The following EMP1 variants were observed in gnomAD, a reference collection of about 807,000 sequenced individuals.
EMP1 encodes epithelial membrane protein 1, also known as tumor-associated membrane protein.
A neutral mutation model predicts 15.7 loss-of-function variants in EMP1; 5 were observed. That is an observed-to-expected ratio of 0.32 (90% CI 0.17 to 0.67). EMP1 has a LOEUF of 0.67. Ranked by LOEUF, EMP1 falls within the 30% of genes least tolerant of loss-of-function variation. EMP1 has a pLI of 0.74. For synonymous variants in EMP1, 78 were observed against 76.7 expected, an observed-to-expected ratio of 1.02 and a Z score of -0.09; for missense variants, 166 against 194.2, an observed-to-expected ratio of 0.85 and a Z score of 0.86.
chr12:13,215,032 T>G lies in EMP1; in HGVS notation c.*341T>G, dbSNP rs1864201935. The G allele has an allele frequency of 1.4e-5, 4 of 290,960 alleles. No homozygotes were observed. In the Admixed American group the frequency reaches 1.8e-4, roughly 13 times the overall value. The allele number at this position is 290,960 out of a possible 1,614,324, so 18.0% of individuals were successfully genotyped here. A position where few individuals can be genotyped will look rare whatever the true frequency, so the allele number is the denominator to read the frequency against. On this transcript the variant is annotated 3_prime_UTR_variant, in exon 5 of 5. Transcript: ENST00000256951. Reference sequence around the variant, plus strand: ...CCAGCCCCACTTCTGGGTCATGCACTGAGGTCCACAGACCTACTGCACTGA... The same window carrying G: ...CCAGCCCCACTTCTGGGTCATGCACGGAGGTCCACAGACCTACTGCACTGA...
chr12:13,209,369 A>G (rs1434296130), intron 1 of EMP1: 2 of 152,064 alleles, frequency 1.3e-5, no homozygotes, highest in African/African-American at 4.8e-5. Context: ...CTCCCCCCTT[A>G]AGGGGCAAGG....
At chr12:13,210,045 C>A (rs1864150752) in intron 1 of EMP1, among the ~76,000 whole-genome samples, 1 of 152,138 alleles carries the variant, frequency 6.6e-6, no homozygotes, top group Non-Finnish European at 1.5e-5. Context: ...TCCTTGCTTG[C>A]AGAGAGCAAG....
intron 1 of EMP1, among the ~76,000 whole-genome samples, chr12:13,203,937 C>G (rs774321793): frequency 6.6e-6 from 1 of 152,198 alleles, no homozygotes; most frequent in South Asian, 2.1e-4. Context: ...TGGCTCCTCA[C>G]CCCTGACTAT....
intron 1 of EMP1, among the ~76,000 whole-genome samples, chr12:13,201,131 A>G (rs538715135): frequency 2.0e-5 from 3 of 152,226 alleles, no homozygotes; most frequent in Non-Finnish European, 4.4e-5. Flanking sequence ...CTGAGATTCT[A>G]AGATTCACCC....
intron 1 of EMP1, among the ~76,000 whole-genome samples, chr12:13,200,319 C>CATTGTCA (rs1864053585): frequency 6.6e-6 from 1 of 152,188 alleles, no homozygotes; most frequent in South Asian, 2.1e-4. Flanking sequence ...CACACCTATA[C>CATTGTCA]ATTGTCACCA....
At chr12:13,200,144 A>G (rs561495191) in intron 1 of EMP1, among the ~76,000 whole-genome samples, 2 of 152,264 alleles carry the variant, frequency 1.3e-5, no homozygotes, top group African/African-American at 4.8e-5. Flanking sequence ...TGCCTAACAC[A>G]AAAGCTCAGG....
chr12:13,219,110 A>G lies in EMP1; in HGVS notation c.*4419A>G, dbSNP rs1198453662. 6.6e-6 allele frequency: 1 copy of G among 152,220 alleles called. No individual in the cohort carries two copies. Among genetic ancestry groups the G allele is most frequent in the African/African-American group, 2.4e-5 (1 of 41,440 alleles). The allele number at this position is 152,220 out of a possible 1,614,324, so 9.4% of individuals were successfully genotyped here. On this transcript the variant is annotated 3_prime_UTR_variant, in exon 5 of 5. Transcript: ENST00000256951. ...ATCTGGGGAACTGGAGGTGAGAAGCATTATAATAGCCTCTCTGCCTTTATC... is the reference window on the plus strand; with the variant it reads ...ATCTGGGGAACTGGAGGTGAGAAGCGTTATAATAGCCTCTCTGCCTTTATC...
chr12:13,208,867 C>A (rs1264814402), intron 1 of EMP1, among the ~76,000 whole-genome samples: 1 of 152,168 alleles, frequency 6.6e-6, no homozygotes, highest in Non-Finnish European at 1.5e-5. Flanking sequence ...CACTCGCACA[C>A]ACCACCAGGG....
intron 4 of EMP1, 168 bp downstream of exon 4, chr12:13,213,989 T>A: frequency 9.9e-7 from 1 of 1,015,024 alleles, no homozygotes; most frequent in Non-Finnish European, 1.5e-6. Flanking sequence ...CTGCTTAGGT[T>A]AAGAACCCTC....
At chr12:13,197,568 G>A (rs1171344943) in intron 1 of EMP1, among the ~76,000 whole-genome samples, 1 of 152,110 alleles carries the variant, frequency 6.6e-6, no homozygotes, top group East Asian at 1.9e-4. Flanking sequence ...CTGAGGTCAG[G>A]AGTTCAAGAC....
chr12:13,214,922 G>A lies in EMP1; in HGVS notation c.*231G>A. On this transcript the variant is annotated 3_prime_UTR_variant, in exon 5 of 5. Transcript: ENST00000256951. Reference sequence around the variant, plus strand: ...TTTGATGCTCCCTTGATGGGGTCCAGAGAGCCTCCCTGCAGCCACCAGACT... The same window carrying A: ...TTTGATGCTCCCTTGATGGGGTCCAAAGAGCCTCCCTGCAGCCACCAGACT... 1 of 462,616 alleles carries A rather than the reference G, an allele frequency of 2.2e-6. No individual in the cohort carries two copies. Among genetic ancestry groups the A allele is most frequent in the Admixed American group, 3.4e-5 (1 of 29,188 alleles). 28.7% of individuals were successfully genotyped at this position (462,616 alleles called of 1,614,324 possible).
intron 1 of EMP1, among the ~76,000 whole-genome samples, chr12:13,203,097 CCTCCCCTCCCAGCT>C (rs2121147215): frequency 6.6e-6 from 1 of 152,288 alleles, no homozygotes; most frequent in Non-Finnish European, 1.5e-5. Context: ...AGGCGAGGGG[CCTCCCCTCCCAGCT>C]TGCCGCCTTC....
chr12:13,203,549 T>C (rs1290616560), intron 1 of EMP1, among the ~76,000 whole-genome samples: 1 of 152,282 alleles, frequency 6.6e-6, no homozygotes, highest in East Asian at 1.9e-4. Context: ...AGCATAATTG[T>C]TGGCCCTCAG....
In EMP1 at chr12:13,211,632, C is replaced by A. The variant is rs373481556; in HGVS notation, c.78+44C>A. ...TTCATTCATTCATTGAGAAATCATT[C>A]GAATATTTACATCAAGTGCACAAAA... is the stretch of plus-strand genomic sequence containing the variant. On this transcript the variant is annotated intron_variant, in intron 2 of 4. Transcript: ENST00000256951. The surrounding 1 kb of genome is among the most constrained non-coding windows in gnomAD (Gnocchi z 4.7). 17 of 1,601,994 alleles carry A rather than the reference C, an allele frequency of 1.1e-5. No individual in the cohort carries two copies. Among genetic ancestry groups the A allele is most frequent in the Non-Finnish European group, 1.4e-5 (16 of 1,170,484 alleles).
chr12:13,202,111 G>C (rs1864071352), intron 1 of EMP1, among the ~76,000 whole-genome samples: 2 of 152,220 alleles, frequency 1.3e-5, no homozygotes. Flanking sequence ...AGACAGAAAG[G>C]GGGCAAAAGA....
chr12:13,204,706 G>A (rs1333644600), intron 1 of EMP1, among the ~76,000 whole-genome samples: 6 of 152,176 alleles, frequency 3.9e-5, no homozygotes. Flanking sequence ...CTCTCTCCTC[G>A]TGCTTTGGAG....
At chr12:13,197,564 T>G (rs1864026051) in intron 1 of EMP1, among the ~76,000 whole-genome samples, 1 of 151,928 alleles carries the variant, frequency 6.6e-6, no homozygotes, top group Non-Finnish European at 1.5e-5. Flanking sequence ...TCACCTGAGG[T>G]CAGGAGTTCA....
chr12:13,201,967 G>T (rs1864070038), intron 1 of EMP1, among the ~76,000 whole-genome samples: 1 of 145,574 alleles, frequency 6.9e-6, no homozygotes, highest in Non-Finnish European at 1.5e-5. Context: ...TTGAGAGGAG[G>T]AAGAGGAAGG....
intron 1 of EMP1, among the ~76,000 whole-genome samples, chr12:13,201,973 G>A (rs1021229622): frequency 8.3e-5 from 12 of 144,316 alleles, no homozygotes; most frequent in African/African-American, 3.0e-4. Flanking sequence ...GGAGGAAGAG[G>A]AAGGTGCAAC....
Sources: allele counts gnomAD v4.1 joint callset (sites outside exome capture counted in the v4.1 genomes callset), GRCh38; gene constraint gnomAD v4.1.1; non-coding constraint Gnocchi (gnomAD v3.1); transcripts MANE v1.5; gene names NCBI Gene and HGNC (gene_info 2026-07-23, HGNC 2026-07-21).